Variants in GPC3 observed in about 807,000 individuals in gnomAD.
GPC3 encodes the protein glypican 3.
Under a neutral mutation model 34.4 loss-of-function variants are expected in GPC3, and 3 were observed. The ratio of observed to expected loss-of-function variants is 0.09; its 90% CI spans 0.04 to 0.23. The LOEUF is 0.23. GPC3 is among the 10% of genes least tolerant of loss of function. GPC3 has a pLI of 1.00. For synonymous variants in GPC3, 177 were observed against 174.0 expected (o/e 1.02, Z -0.13); for missense variants, 351 against 445.6 (o/e 0.79, Z 1.91).
At chrX:133,592,973 C>T (rs1189124653) in intron 7 of GPC3, among the ~76,000 whole-genome samples, 1 of 111,061 alleles carries the variant, frequency 9.0e-6, no homozygotes, top group Non-Finnish European at 1.9e-5. Context: ...ACTTGAATTG[C>T]ACCTTGAAGG....
At chrX:133,754,448 A>G (rs780287682) in intron 2 of GPC3, among the ~76,000 whole-genome samples, 1 of 112,297 alleles carries the variant, frequency 8.9e-6, no homozygotes, top group Admixed American at 9.5e-5. Context: ...GACAAAAGCC[A>G]AGATTCAGTT....
intron 6 of GPC3, among the ~76,000 whole-genome samples, chrX:133,612,301 A>C (rs1380209720): frequency 1.8e-5 from 2 of 112,121 alleles, no homozygotes; most frequent in Admixed American, 9.5e-5. Flanking sequence ...TGTAGGTCAA[A>C]ACTTTACCCT....
chrX:133,749,986 T>C (rs1428090532), intron 3 of GPC3, among the ~76,000 whole-genome samples: 1 of 111,281 alleles, frequency 9.0e-6, no homozygotes, highest in Non-Finnish European at 1.9e-5. Flanking sequence ...CACCATTTGG[T>C]ACGTATTACT....
chrX:133,623,687 T>C (rs949783764), intron 6 of GPC3, among the ~76,000 whole-genome samples: 2 of 111,609 alleles, frequency 1.8e-5, no homozygotes, highest in African/African-American at 3.3e-5. Flanking sequence ...CAAAGAGACT[T>C]AGACTTCCAC....
chrX:133,728,690 T>A (rs1433021907), intron 3 of GPC3, among the ~76,000 whole-genome samples: 1 of 112,499 alleles, frequency 8.9e-6, no homozygotes, highest in Admixed American at 9.4e-5. Context: ...ATGAATCCAA[T>A]TTGAGACAAC....
At chrX:133,743,307 C>A (rs1456057899) in intron 3 of GPC3, among the ~76,000 whole-genome samples, 1 of 112,758 alleles carries the variant, frequency 8.9e-6, no homozygotes, top group Non-Finnish European at 1.9e-5. Context: ...ATTAAAATTG[C>A]CACCTCCCTT....
At chrX:133,629,355 A>G (rs1229836250) in intron 6 of GPC3, among the ~76,000 whole-genome samples, 1 of 111,155 alleles carries the variant, frequency 9.0e-6, no homozygotes, top group Non-Finnish European at 1.9e-5. Flanking sequence ...ATGAGCTCTA[A>G]GTCTTTCCCA....
intron 2 of GPC3, among the ~76,000 whole-genome samples, chrX:133,918,424 C>T (rs907387764): frequency 1.8e-5 from 2 of 112,218 alleles, no homozygotes; most frequent in Non-Finnish European, 3.8e-5. Context: ...TATCACTTGG[C>T]TGAAATGCAT....
At chrX:133,916,622 T>C (rs1429928794) in intron 2 of GPC3, among the ~76,000 whole-genome samples, 1 of 111,679 alleles carries the variant, frequency 9.0e-6, no homozygotes, top group African/African-American at 3.3e-5. Context: ...CTCACATCCG[T>C]AATCCGAGGA....
intron 2 of GPC3, among the ~76,000 whole-genome samples, chrX:133,854,287 A>G (rs1475227705): frequency 8.9e-6 from 1 of 111,992 alleles, no homozygotes; most frequent in Non-Finnish European, 1.9e-5. Context: ...CAATGGTTTT[A>G]AATTTTGACT....
chrX:133,593,755 T>C (rs981461940), intron 7 of GPC3, among the ~76,000 whole-genome samples: 7 of 110,556 alleles, frequency 6.3e-5, no homozygotes, highest in Admixed American at 4.8e-4. Context: ...CCACCTACGA[T>C]GTGTCTGCAA....
intron 2 of GPC3, among the ~76,000 whole-genome samples, chrX:133,909,376 T>C (rs2076185662): frequency 8.9e-6 from 1 of 112,146 alleles, no homozygotes; most frequent in Admixed American, 9.5e-5. Flanking sequence ...GCATGGTTGT[T>C]CTGATTCAGC....
intron 2 of GPC3, among the ~76,000 whole-genome samples, chrX:133,922,500 G>A (rs1232256682): frequency 9.0e-6 from 1 of 111,697 alleles, no homozygotes; most frequent in Non-Finnish European, 1.9e-5. Flanking sequence ...GGTGACCTCA[G>A]GAACTACCAG....
chrX:133,589,654 T>A (rs888913334), intron 7 of GPC3, among the ~76,000 whole-genome samples: 1 of 111,472 alleles, frequency 9.0e-6, no homozygotes, highest in African/African-American at 3.3e-5. Context: ...GGTGTGCCTT[T>A]GCTCTCCCTT....
At chrX:133,549,979 C>T (rs1446703731) in intron 7 of GPC3, among the ~76,000 whole-genome samples, 1 of 106,373 alleles carries the variant, frequency 9.4e-6, no homozygotes, top group East Asian at 2.9e-4. Context: ...TCCCACCTAC[C>T]CTCTCTTTTC....
At chrX:133,626,234 C>G (rs2124364938) in intron 6 of GPC3, among the ~76,000 whole-genome samples, 1 of 111,882 alleles carries the variant, frequency 8.9e-6, no homozygotes, top group South Asian at 3.8e-4. Context: ...CTAGGCAATA[C>G]CATTCAGGAC....
At chrX:133,669,673 T>C (rs1361124814) in intron 5 of GPC3, among the ~76,000 whole-genome samples, 1 of 112,137 alleles carries the variant, frequency 8.9e-6, no homozygotes, top group East Asian at 2.8e-4. Context: ...TAAATTGTCC[T>C]CCTCTGCAAA....
At chrX:133,728,722 C>T (rs184629056) in intron 3 of GPC3, among the ~76,000 whole-genome samples, 3 of 112,372 alleles carry the variant, frequency 2.7e-5, no homozygotes, top group Admixed American at 1.9e-4. Flanking sequence ...ACTGCAGAAG[C>T]TAGCAATTAG....
chrX:133,694,349 C>G (rs754220108), intron 4 of GPC3, among the ~76,000 whole-genome samples: 3 of 110,452 alleles, frequency 2.7e-5, no homozygotes, highest in Admixed American at 1.9e-4. Flanking sequence ...GCCTGTACCC[C>G]CTACCCCACA....
Sources: allele counts gnomAD v4.1 joint callset (sites outside exome capture counted in the v4.1 genomes callset), GRCh38; gene constraint gnomAD v4.1.1; transcripts MANE v1.5; gene names NCBI Gene and HGNC (gene_info 2026-07-23, HGNC 2026-07-21).